Variants in MCUB observed in about 807,000 individuals in gnomAD.
MCUB encodes the protein mitochondrial calcium uniporter dominant negative subunit beta, also known as calcium uniporter regulatory subunit MCUb, mitochondrial.
Under a neutral mutation model 41.4 loss-of-function variants are expected in MCUB, and 46 were observed. That is an observed-to-expected ratio of 1.11 (90% CI 0.88 to 1.42). The LOEUF (loss-of-function observed/expected upper bound fraction) is 1.42, where lower values mean the gene tolerates loss of function less well. Ranked by LOEUF, MCUB falls within the 40% of genes most tolerant of loss-of-function variation. MCUB has a pLI of 0.00. For missense variants in MCUB, 403 were observed against 404.9 expected (o/e 1.00, Z 0.04); for synonymous variants, 148 against 148.2 (o/e 1.00, Z 0.01).
intron 1 of MCUB, among the ~76,000 whole-genome samples, chr4:109,622,741 A>G (rs1369523818): frequency 6.6e-6 from 1 of 152,196 alleles, no homozygotes; most frequent in Non-Finnish European, 1.5e-5. Flanking sequence ...TCCCTGATTT[A>G]TGATGGCTTC....
rs746677160 is a variant in MCUB at position 109,619,026 on chromosome 4, GCCTGCCTACCTACCTA to G, written c.100-39981_100-39966del. On this transcript the variant is annotated intron_variant, in intron 1 of 7. Coordinates refer to ENST00000394650, the MANE Select transcript of MCUB (RefSeq NM_017918.5). ...TACCTACCTACCTACCTATCTACCT[GCCTGCCTACCTACCTA>G]CCTACCTACCTACCTACCTACCTAC... Among the ~76,000 whole-genome samples, 500 of 128,848 alleles carry G rather than the reference GCCTGCCTACCTACCTA, an allele frequency of 3.9e-3. 5 individuals carry two copies. Among genetic ancestry groups the G allele is most frequent in the African/African-American group, 0.015 (468 of 30,520 alleles). 84.5% of individuals were successfully genotyped at this position (128,848 alleles called of 152,430 possible).
Position 109,613,429 on chromosome 4 carries a change from A to G in MCUB, c.100-45582A>G, listed in dbSNP as rs368558332. Reference sequence around the variant, plus strand: ...AGGCTGTTGGAAAGCTTTCAGGTCCACTCACTGGTTGTTGGCTGCATTCAG... The same window carrying G: ...AGGCTGTTGGAAAGCTTTCAGGTCCGCTCACTGGTTGTTGGCTGCATTCAG... On this transcript the variant is annotated intron_variant, in intron 1 of 7. Coordinates refer to ENST00000394650, the MANE Select transcript of MCUB (RefSeq NM_017918.5). 4.6e-5 allele frequency among the ~76,000 whole-genome samples: 7 copies of G among 152,216 alleles called. No homozygotes were observed. In the South Asian group the frequency reaches 8.3e-4, roughly 18 times the overall value.
At chr4:109,564,141 CT>C (rs150293518) in intron 1 of MCUB, among the ~76,000 whole-genome samples, 20 of 149,148 alleles carry the variant, frequency 1.3e-4, no homozygotes, top group Admixed American at 5.4e-4. Context: ...TCTTTCTTTT[CT>C]TTTTTTTTTG....
At chr4:109,570,337 T>C (rs1479314158) in intron 1 of MCUB, among the ~76,000 whole-genome samples, 18 of 152,248 alleles carry the variant, frequency 1.2e-4, no homozygotes, top group Non-Finnish European at 2.1e-4. Context: ...GTATTTCTTA[T>C]TCTGCTAGTA....
At chr4:109,615,196 G>A (rs757774412) in intron 1 of MCUB, among the ~76,000 whole-genome samples, 14 of 152,016 alleles carry the variant, frequency 9.2e-5, no homozygotes, top group South Asian at 4.1e-4. Flanking sequence ...GAGAGCTTGC[G>A]TACTCTGTGG....
At chr4:109,654,456 C>T (rs958422609) in intron 1 of MCUB, among the ~76,000 whole-genome samples, 4 of 151,854 alleles carry the variant, frequency 2.6e-5, no homozygotes, top group African/African-American at 9.7e-5. Flanking sequence ...ACTAAAAATA[C>T]AAAAATTAGC....
chr4:109,618,514 C>T (rs1728178017), intron 1 of MCUB, among the ~76,000 whole-genome samples: 1 of 152,170 alleles, frequency 6.6e-6, no homozygotes, highest in African/African-American at 2.4e-5. Context: ...GTCTTAGGCT[C>T]TGCTTTTGGG....
chr4:109,589,150 T>G lies in MCUB; in HGVS notation c.99+28714T>G, dbSNP rs1325939646. Among the ~76,000 whole-genome samples, 7 of 152,240 alleles carry G rather than the reference T, an allele frequency of 4.6e-5. No individual in the cohort carries two copies. The South Asian group carries it at 1.4e-3, about 32-fold the overall frequency. On this transcript the variant is annotated intron_variant, in intron 1 of 7. Coordinates refer to ENST00000394650, the MANE Select transcript of MCUB (RefSeq NM_017918.5). Reference sequence around the variant, plus strand: ...AGCTACTGGTGTCTTTACAGATTTCTTTGTAAGGTAGAACCTGAAGTATAA... The same window carrying G: ...AGCTACTGGTGTCTTTACAGATTTCGTTGTAAGGTAGAACCTGAAGTATAA...
rs532429623 is a variant in MCUB, at chr4:109,685,090, G to GTT, written c.817-158_817-157dup. On this transcript the variant is annotated intron_variant, in intron 6 of 7. Transcript: ENST00000394650. ...CAGCAGATCTTAAATGAGACTAAAT[G>GTT]TTTTGTGTTGGCTTATGCTTACTCT... is the stretch of plus-strand genomic sequence containing the variant. 216 of 494,574 alleles carry GTT rather than the reference G, an allele frequency of 4.4e-4. 1 individual carries two copies. The highest frequency in any genetic ancestry group is 3.7e-3 in the African/African-American group (190 of 51,382). The allele number at this position is 494,574 out of a possible 1,614,324, so 30.6% of individuals were successfully genotyped here.
intron 1 of MCUB, among the ~76,000 whole-genome samples, chr4:109,603,270 AT>A (rs1727787308): frequency 6.6e-6 from 1 of 151,672 alleles, no homozygotes; most frequent in Non-Finnish European, 1.5e-5. Context: ...TGGTTTTTGT[AT>A]TTTTTGGTGG....
intron 1 of MCUB, among the ~76,000 whole-genome samples, chr4:109,582,069 C>T (rs1178458362): frequency 6.6e-6 from 1 of 152,110 alleles, no homozygotes; most frequent in Non-Finnish European, 1.5e-5. Flanking sequence ...GCTATAAAGA[C>T]ACATGCACAC....
intron 1 of MCUB, among the ~76,000 whole-genome samples, chr4:109,600,034 A>G (rs756216099): frequency 5.9e-5 from 9 of 152,354 alleles, no homozygotes; most frequent in Non-Finnish European, 1.2e-4. Flanking sequence ...ATATTGAGGT[A>G]TCTTGGAGAT....
rs187164179 is a variant in MCUB at position 109,610,364 on chromosome 4, T to G, written c.100-48647T>G. ...TGTTCCTGTTGGAGGTTGGGGAGGA[T>G]CCGTGGCAGCTTGGATCTGGCCATT... On this transcript the variant is annotated intron_variant, in intron 1 of 7. Coordinates refer to ENST00000394650, the MANE Select transcript of MCUB (RefSeq NM_017918.5). Among the ~76,000 whole-genome samples the G allele has an allele frequency of 3.0e-3, 463 of 152,316 alleles. 1 individual carries two copies. Among genetic ancestry groups the G allele is most frequent in the Non-Finnish European group, 3.3e-3 (222 of 68,026 alleles).
intron 1 of MCUB, among the ~76,000 whole-genome samples, chr4:109,633,343 C>G (rs1415764907): frequency 6.6e-6 from 1 of 152,076 alleles, no homozygotes; most frequent in African/African-American, 2.4e-5. Context: ...TCTCGGCTCA[C>G]TGTAAGCTCC....
At chr4:109,681,806 ACAG>A (rs573575239) in intron 4 of MCUB, among the ~76,000 whole-genome samples, 46 of 152,338 alleles carry the variant, frequency 3.0e-4, no homozygotes, top group Non-Finnish European at 5.0e-4. Flanking sequence ...CGGCGGCAAA[ACAG>A]CAGTGGTGGA....
At chr4:109,612,317 A>T (rs1365367010) in intron 1 of MCUB, among the ~76,000 whole-genome samples, 1 of 129,906 alleles carries the variant, frequency 7.7e-6, no homozygotes, top group Non-Finnish European at 1.6e-5. Context: ...CCCAGGCTGG[A>T]GTGCAGTGGT....
At chr4:109,657,035 T>G (rs969227753) in intron 1 of MCUB, among the ~76,000 whole-genome samples, 3 of 152,078 alleles carry the variant, frequency 2.0e-5, no homozygotes, top group Admixed American at 1.3e-4. Flanking sequence ...CTGGCCAACT[T>G]GGTGAAACCC....
rs370495183 is a variant in MCUB, at chr4:109,603,707, C to G, written c.99+43271C>G. 2.2e-4 allele frequency among the ~76,000 whole-genome samples: 34 copies of G among 151,518 alleles called. No homozygotes were observed. The East Asian group carries it at 6.1e-3, about 27-fold the overall frequency. ...CTGGGAACTGAGGAGCGCCTCTGTC[C>G]GGCTGCCCCATCTGAGAAGTGAGGA... On this transcript the variant is annotated intron_variant, in intron 1 of 7. Transcript: ENST00000394650.
At chr4:109,591,891 G>A (rs1727444718) in intron 1 of MCUB, among the ~76,000 whole-genome samples, 1 of 151,570 alleles carries the variant, frequency 6.6e-6, no homozygotes, top group South Asian at 2.1e-4. Flanking sequence ...GTAGATATGG[G>A]GTTTTGCTGT....
Sources: allele counts gnomAD v4.1 joint callset (sites outside exome capture counted in the v4.1 genomes callset), GRCh38; gene constraint gnomAD v4.1.1; transcripts MANE v1.5; gene names NCBI Gene and HGNC (gene_info 2026-07-23, HGNC 2026-07-21).